Variants in GPC1 observed in about 807,000 individuals in gnomAD.
GPC1 encodes glypican 1, also known as glypican-1.
Under a neutral mutation model 51.5 loss-of-function variants are expected in GPC1, and 26 were observed. The observed-to-expected ratio is 0.50, with a 90% CI of 0.37 to 0.70. GPC1 has a LOEUF of 0.70. GPC1 is among the 30% of genes least tolerant of loss of function. The probability of loss-of-function intolerance (pLI) is 0.00; values close to 1 mark genes in which losing one functional copy is unlikely to be tolerated. For missense variants in GPC1, 775 were observed against 800.5 expected (o/e 0.97, Z 0.38); for synonymous variants, 380 against 348.3 (o/e 1.09, Z -1.01).
intron 1 of GPC1, 87 bp downstream of exon 1, chr2:240,436,171 C>A: frequency 2.1e-6 from 2 of 962,956 alleles, no homozygotes; most frequent in Non-Finnish European, 2.7e-6. Context: ...TACTCGCCCC[C>A]GGCGCGGGAT....
chr2:240,465,997 G>A (rs1046138854), intron 8 of GPC1, 61 bp from the exon 9 acceptor site: 18 of 1,031,450 alleles, frequency 1.7e-5, no homozygotes, highest in South Asian at 1.5e-4. Flanking sequence ...CCCTTACAGG[G>A]TGGTGCTGCA....
chr2:240,460,798 A>G (rs928984083), intron 2 of GPC1, among the ~76,000 whole-genome samples: 4 of 151,374 alleles, frequency 2.6e-5, no homozygotes, highest in African/African-American at 9.7e-5. Context: ...GTCTTGTCCA[A>G]CCCCCACCTC....
At chr2:240,450,636 G>A (rs770940866) in intron 1 of GPC1, 11 of 470,672 alleles carry the variant, frequency 2.3e-5, no homozygotes, top group East Asian at 1.4e-4. Context: ...ATTCAGGGGC[G>A]TGCCCCGTCG....
At position 240,462,521 on chromosome 2, in the gene GPC1, C is replaced by T; in HGVS notation, c.656C>T (p.Ala219Val). ...LRLRATRAFV[A>V]ARSFVQGLGV... The stretch of plus-strand genomic sequence containing the variant: ...CTGCGGGCCACCCGTGCCTTCGTGG[C>T]TGCTCGCTCCTTTGTGCAGGGCCTG... The change falls in exon 3 of 9, where the codon GCT becomes GTT. Residue 219 changes from alanine (A) to valine (V), a missense_variant. Physicochemically the swap from Ala to Val is moderately conservative, Grantham distance 64 (BLOSUM62 0). Transcript: ENST00000264039. 9 of 1,581,072 alleles carry T rather than the reference C, an allele frequency of 5.7e-6. No individual in the cohort carries two copies. The highest frequency in any genetic ancestry group is 7.7e-6 in the Non-Finnish European group (9 of 1,164,890).
chr2:240,459,548 C>G (rs1318140689), intron 2 of GPC1, among the ~76,000 whole-genome samples: 1 of 152,210 alleles, frequency 6.6e-6, no homozygotes, highest in Non-Finnish European at 1.5e-5. Context: ...TGCAGCTCGT[C>G]AAGTGCCCCA....
At position 240,466,044 on chromosome 2, in the gene GPC1, CCT is replaced by C; in HGVS notation, c.1445-10_1445-9del. 1 of 1,578,554 alleles carries C rather than the reference CCT, an allele frequency of 6.3e-7. No individual in the cohort carries two copies. Among genetic ancestry groups the C allele is most frequent in the Non-Finnish European group, 8.7e-7 (1 of 1,150,330 alleles). On this transcript the variant is annotated splice_polypyrimidine_tract_variant and intron_variant, in intron 8 of 8. Transcript: ENST00000264039. ...TGTGGGGACCTGCCTGCCGGAGCCT[CCT>C]CTCCTTCCCAGGTGACGACGGCAGC...
chr2:240,454,920 G>A, intron 1 of GPC1: 1 of 219,576 alleles, frequency 4.6e-6, no homozygotes, highest in South Asian at 5.1e-5. Context: ...CTGTCAGGAT[G>A]GGAGTCTCGC....
At chr2:240,462,042 G>A in intron 2 of GPC1, 149 bp from the exon 3 acceptor site, 1 of 771,764 alleles carries the variant, frequency 1.3e-6, no homozygotes, top group Non-Finnish European at 2.0e-6. Flanking sequence ...ATGCCCACAG[G>A]GCCCACAGCC....
At position 240,467,005 on chromosome 2, in the gene GPC1, G is replaced by A. The variant is rs1335109798; in HGVS notation, c.*715G>A. ...TGACCCACCTGCGCTTCTGCTGGAGGAGGGGAAGCTGGGCCCAAAGGCCCA... is the reference window on the plus strand; with the variant it reads ...TGACCCACCTGCGCTTCTGCTGGAGAAGGGGAAGCTGGGCCCAAAGGCCCA... On this transcript the variant is annotated 3_prime_UTR_variant, in exon 9 of 9. Coordinates refer to ENST00000264039, the MANE Select transcript of GPC1 (RefSeq NM_002081.3). The A allele has an allele frequency of 6.6e-6, 1 of 152,308 alleles. No individual in the cohort carries two copies. Among genetic ancestry groups the A allele is most frequent in the African/African-American group, 2.4e-5 (1 of 41,470 alleles). 9.4% of individuals were successfully genotyped at this position (152,308 alleles called of 1,614,324 possible).
In GPC1 at chr2:240,466,245, C is replaced by T; in HGVS notation, c.1632C>T (p.Leu544=). Residue 544 remains leucine, a synonymous_variant, in exon 9 of 9, where the codon CTC becomes CTT. Transcript: ENST00000264039. The part of the protein sequence containing the change: ...CPQPPTFLLP[L]LLFLALTVAR... ...AGCCCCCGACCTTCCTCCTGCCCCTCCTCCTCTTCCTGGCCCTTACAGTAG... is the reference window on the plus strand; with the variant it reads ...AGCCCCCGACCTTCCTCCTGCCCCTTCTCCTCTTCCTGGCCCTTACAGTAG... 1 of 1,611,352 alleles carries T rather than the reference C, an allele frequency of 6.2e-7. No homozygotes were observed. Among genetic ancestry groups the T allele is most frequent in the Non-Finnish European group, 8.5e-7 (1 of 1,178,038 alleles).
At chr2:240,447,248 C>T (rs1293124630) in intron 1 of GPC1, among the ~76,000 whole-genome samples, 1 of 152,140 alleles carries the variant, frequency 6.6e-6, no homozygotes, top group Non-Finnish European at 1.5e-5. Flanking sequence ...TTCGTTCCTC[C>T]CTCAAGCAGA....
At chr2:240,459,781 C>T (rs541869185) in intron 2 of GPC1, among the ~76,000 whole-genome samples, 1 of 152,292 alleles carries the variant, frequency 6.6e-6, no homozygotes, top group African/African-American at 2.4e-5. Context: ...TCGGCCCAGG[C>T]TGGGCCTCGC....
At chr2:240,457,936 C>G (rs952632861) in intron 1 of GPC1, 6 of 420,360 alleles carry the variant, frequency 1.4e-5, no homozygotes, top group Admixed American at 2.7e-5. Flanking sequence ...CCCCTCTGAC[C>G]AAGCCAGGCT....
chr2:240,451,410 C>T (rs34412658), intron 1 of GPC1: 34,127 of 378,006 alleles, frequency 0.09, 1,884 homozygotes, highest in Non-Finnish European at 0.11. Context: ...AGTGGGTGTA[C>T]GGGAAGCTAG....
At chr2:240,455,764 C>T (rs112491462) in intron 1 of GPC1, among the ~76,000 whole-genome samples, 18 of 152,332 alleles carry the variant, frequency 1.2e-4, no homozygotes, top group African/African-American at 4.1e-4. Flanking sequence ...CTTGCTTTGC[C>T]GCCCTGCAGG....
chr2:240,437,443 C>T (rs528722558), intron 1 of GPC1, among the ~76,000 whole-genome samples: 1 of 152,226 alleles, frequency 6.6e-6, no homozygotes, highest in Non-Finnish European at 1.5e-5. Flanking sequence ...GCGGATCTCC[C>T]GATGCCCTCC....
At chr2:240,436,182 C>A in intron 1 of GPC1, 98 bp downstream of exon 1, 4 of 821,052 alleles carry the variant, frequency 4.9e-6, no homozygotes, top group South Asian at 5.9e-5. Context: ...GGCGCGGGAT[C>A]CTGCCGCCTG....
chr2:240,462,468 C>T lies in GPC1; in HGVS notation c.603C>T (p.Pro201=). ...CLGKQAEALR[P]FGEAPRELRL... Reference sequence around the variant, plus strand: ...GCAAGCAGGCCGAGGCGCTGCGGCCCTTCGGGGAGGCCCCGAGAGAGCTGC... The same window carrying T: ...GCAAGCAGGCCGAGGCGCTGCGGCCTTTCGGGGAGGCCCCGAGAGAGCTGC... The change falls in exon 3 of 9, where the codon CCC becomes CCT. Residue 201 remains proline, a synonymous_variant. Coordinates refer to ENST00000264039, the MANE Select transcript of GPC1 (RefSeq NM_002081.3). The T allele has an allele frequency of 1.9e-6, 3 of 1,604,142 alleles. No homozygotes were observed. The highest frequency in any genetic ancestry group is 1.7e-4 in the Middle Eastern group (1 of 6,028).
At chr2:240,460,890 TTGTC>T (rs2074209756) in intron 2 of GPC1, among the ~76,000 whole-genome samples, 1 of 152,086 alleles carries the variant, frequency 6.6e-6, no homozygotes, top group African/African-American at 2.4e-5. Context: ...CCCTGGGTCT[TTGTC>T]TGCAGTGCTG....
Sources: gnomAD v4.1 joint callset for allele counts (sites outside exome capture counted in the v4.1 genomes callset) on GRCh38, gnomAD v4.1.1 for gene constraint, MANE v1.5 for transcripts, NCBI Gene and HGNC (gene_info 2026-07-23, HGNC 2026-07-21) for gene names.